L3MBTL4: variants seen among roughly 807,000 people sequenced by gnomAD.
The protein encoded by L3MBTL4 is L3MBTL histone methyl-lysine binding protein 4, also known as lethal(3)malignant brain tumor-like protein 4.
Under a neutral mutation model 84.5 loss-of-function variants are expected in L3MBTL4, and 70 were observed. That is an observed-to-expected ratio of 0.83 (90% CI 0.68 to 1.01). The LOEUF is 1.01. Among genes scored for constraint, L3MBTL4 ranks in the 50% least tolerant of loss-of-function variants. L3MBTL4 has a pLI of 0.00. For missense variants in L3MBTL4, 715 were observed against 754.8 expected (o/e 0.95, Z 0.62); for synonymous variants, 274 against 259.8 (o/e 1.05, Z -0.52).
At chr18:6,052,094 T>G (rs2056862903) in intron 16 of L3MBTL4, among the ~76,000 whole-genome samples, 1 of 152,244 alleles carries the variant, frequency 6.6e-6, no homozygotes, top group Non-Finnish European at 1.5e-5. Flanking sequence ...ATGGGTTTTT[T>G]GAAAAGCAAC....
chr18:6,359,218 G>C (rs2053573408), intron 1 of L3MBTL4, among the ~76,000 whole-genome samples: 1 of 152,142 alleles, frequency 6.6e-6, no homozygotes, highest in African/African-American at 2.4e-5. Flanking sequence ...TCAGCACTTT[G>C]GGAAGCCAAA....
chr18:6,258,385 T>G (rs1214293262), intron 5 of L3MBTL4, among the ~76,000 whole-genome samples: 1 of 152,112 alleles, frequency 6.6e-6, no homozygotes, highest in Non-Finnish European at 1.5e-5. Context: ...AGGTAGGCAG[T>G]GAATACGCAT....
At chr18:5,999,553 A>G (rs576712294) in intron 16 of L3MBTL4, among the ~76,000 whole-genome samples, 19 of 152,362 alleles carry the variant, frequency 1.2e-4, no homozygotes, top group African/African-American at 4.6e-4. Flanking sequence ...AAACATGCTA[A>G]TCAGCAAGGA....
At chr18:6,378,086 T>C (rs892606910) in intron 1 of L3MBTL4, among the ~76,000 whole-genome samples, 1 of 152,230 alleles carries the variant, frequency 6.6e-6, no homozygotes, top group Non-Finnish European at 1.5e-5. Flanking sequence ...GATGAGCATT[T>C]TTCATGTTTG....
intron 13 of L3MBTL4, among the ~76,000 whole-genome samples, chr18:6,140,553 G>A (rs962427939): frequency 1.3e-5 from 2 of 152,074 alleles, no homozygotes; most frequent in Non-Finnish European, 2.9e-5. Flanking sequence ...AGAGCAGAGC[G>A]CCTCCTCACC....
chr18:6,039,708 G>A (rs2056314332), intron 16 of L3MBTL4, among the ~76,000 whole-genome samples: 1 of 152,212 alleles, frequency 6.6e-6, no homozygotes, highest in African/African-American at 2.4e-5. Flanking sequence ...TTATCTCAAA[G>A]TCCCTTCATG....
At chr18:6,382,636 A>C (rs550514020) in intron 1 of L3MBTL4, among the ~76,000 whole-genome samples, 2 of 152,330 alleles carry the variant, frequency 1.3e-5, no homozygotes, top group Admixed American at 1.3e-4. Flanking sequence ...GGGTATCACC[A>C]GCAGAGGCTG....
intron 4 of L3MBTL4, among the ~76,000 whole-genome samples, chr18:6,298,119 A>G (rs1457152570): frequency 6.6e-6 from 1 of 152,190 alleles, no homozygotes; most frequent in African/African-American, 2.4e-5. Context: ...TCCTCCAAAC[A>G]ACAGAACCTA....
chr18:6,289,564 T>G (rs2049752918), intron 4 of L3MBTL4, among the ~76,000 whole-genome samples: 1 of 152,244 alleles, frequency 6.6e-6, no homozygotes. Context: ...CCTTTTAAAA[T>G]TTCTCAGATT....
intron 1 of L3MBTL4, among the ~76,000 whole-genome samples, chr18:6,313,142 C>G (rs775535858): frequency 4.6e-5 from 7 of 152,142 alleles, no homozygotes; most frequent in Non-Finnish European, 7.4e-5. Context: ...AGGCTGTAAC[C>G]ATCCCGATGA....
chr18:6,115,926 G>A (rs913047191), intron 14 of L3MBTL4, among the ~76,000 whole-genome samples: 7 of 152,158 alleles, frequency 4.6e-5, no homozygotes, highest in African/African-American at 1.4e-4. Flanking sequence ...CAGTCCTTGT[G>A]ATCCATGCAC....
At chr18:6,148,569 T>C (rs1481123419) in intron 13 of L3MBTL4, among the ~76,000 whole-genome samples, 1 of 152,006 alleles carries the variant, frequency 6.6e-6, no homozygotes, top group African/African-American at 2.4e-5. Flanking sequence ...GGGACCACAG[T>C]TGCACACCAC....
intron 3 of L3MBTL4, among the ~76,000 whole-genome samples, chr18:6,302,725 C>T (rs1337486035): frequency 6.6e-6 from 1 of 152,240 alleles, no homozygotes; most frequent in African/African-American, 2.4e-5. Context: ...TGGCTCACAC[C>T]TGTAATCCCA....
intron 14 of L3MBTL4, among the ~76,000 whole-genome samples, chr18:6,127,556 T>C (rs2059734744): frequency 6.6e-6 from 1 of 152,262 alleles, no homozygotes; most frequent in Non-Finnish European, 1.5e-5. Context: ...GAAAATTGAA[T>C]TCATCCTTTG....
At chr18:6,299,074 T>C (rs2050225056) in intron 4 of L3MBTL4, among the ~76,000 whole-genome samples, 1 of 152,228 alleles carries the variant, frequency 6.6e-6, no homozygotes, top group South Asian at 2.1e-4. Flanking sequence ...TACACGGTGA[T>C]TGGCAATACT....
rs745638592 is a variant in L3MBTL4, at chr18:5,969,576, G to T, written c.1445-14C>A. 2 of 1,578,006 alleles carry T rather than the reference G, an allele frequency of 1.3e-6. No individual in the cohort carries two copies. The highest frequency in any genetic ancestry group is 1.7e-5 in the Admixed American group (1 of 58,340). The stretch of plus-strand genomic sequence containing the variant: ...CCACCGAGTATTCTGTAAGAGAGGT[G>T]GGGTGGGGTGAGGCTCAGGCTCCCA... On this transcript the variant is annotated splice_polypyrimidine_tract_variant and intron_variant, in intron 16 of 18. Transcript: ENST00000317931.
At chr18:5,998,511 G>T (rs1447524032) in intron 16 of L3MBTL4, among the ~76,000 whole-genome samples, 1 of 152,136 alleles carries the variant, frequency 6.6e-6, no homozygotes, top group African/African-American at 2.4e-5. Flanking sequence ...CCTGGGGGAA[G>T]GAAAGTCACT....
intron 1 of L3MBTL4, among the ~76,000 whole-genome samples, chr18:6,394,159 T>G (rs189683691): frequency 2.6e-5 from 4 of 152,310 alleles, no homozygotes; most frequent in Admixed American, 2.6e-4. Flanking sequence ...TTCCATAACA[T>G]TTAGCACCTT....
intron 4 of L3MBTL4, among the ~76,000 whole-genome samples, chr18:6,281,190 T>C (rs145370345): frequency 1.1e-4 from 17 of 152,280 alleles, no homozygotes; most frequent in African/African-American, 4.1e-4. Context: ...AAGTAATGCA[T>C]AAAGAATAAA....
Sources: gnomAD v4.1 joint callset for allele counts (sites outside exome capture counted in the v4.1 genomes callset) on GRCh38, gnomAD v4.1.1 for gene constraint, MANE v1.5 for transcripts, NCBI Gene and HGNC (gene_info 2026-07-23, HGNC 2026-07-21) for gene names.